TCF7L2: variants seen among roughly 807,000 people sequenced by gnomAD.
TCF7L2 encodes transcription factor 7 like 2, also known as transcription factor 7-like 2.
Under a neutral mutation model 77.9 loss-of-function variants are expected in TCF7L2, and 23 were observed. The observed-to-expected ratio is 0.30, with a 90% CI of 0.21 to 0.42. TCF7L2 has a LOEUF of 0.42. TCF7L2 is among the 10% of genes least tolerant of loss of function. The pLI, the probability that TCF7L2 is intolerant of heterozygous loss-of-function variation, is 1.00. For missense variants in TCF7L2, 654 were observed against 793.1 expected, an observed-to-expected ratio of 0.82 and a Z score of 2.11; for synonymous variants, 413 against 340.2, an observed-to-expected ratio of 1.21 and a Z score of -2.36.
chr10:113,118,978 C>T (rs938698318), intron 5 of TCF7L2, among the ~76,000 whole-genome samples: 8 of 152,128 alleles, frequency 5.3e-5, no homozygotes, highest in Admixed American at 3.3e-4. Flanking sequence ...TTCAAATAGT[C>T]GACGTTATCA....
chr10:113,076,312 A>AT (rs2058696147), intron 5 of TCF7L2, among the ~76,000 whole-genome samples: 1 of 151,868 alleles, frequency 6.6e-6, no homozygotes, highest in Non-Finnish European at 1.5e-5. Context: ...TAACTTTTTT[A>AT]TTTTTTGTAG....
At chr10:113,116,693 T>C (rs1011635735) in intron 5 of TCF7L2, among the ~76,000 whole-genome samples, 1 of 151,568 alleles carries the variant, frequency 6.6e-6, no homozygotes, top group Admixed American at 6.6e-5. Flanking sequence ...GCCTATTTTT[T>C]AAAAAGGGTT....
At chr10:113,120,038 T>G (rs2064517430) in intron 5 of TCF7L2, among the ~76,000 whole-genome samples, 1 of 152,226 alleles carries the variant, frequency 6.6e-6, no homozygotes, top group Non-Finnish European at 1.5e-5. Flanking sequence ...TATTTTCTCA[T>G]TGGTCTGTGT....
intron 5 of TCF7L2, among the ~76,000 whole-genome samples, chr10:113,118,844 TA>T (rs904779154): frequency 6.6e-6 from 1 of 152,108 alleles, no homozygotes; most frequent in African/African-American, 2.4e-5. Context: ...GACATAGGAT[TA>T]AAAAAACAAT....
At chr10:113,003,435 G>T (rs1391690949) in intron 4 of TCF7L2, among the ~76,000 whole-genome samples, 1 of 152,194 alleles carries the variant, frequency 6.6e-6, no homozygotes, top group Non-Finnish European at 1.5e-5. Context: ...CTTGGGGATG[G>T]TCTCTGAGGT....
intron 4 of TCF7L2, among the ~76,000 whole-genome samples, chr10:113,011,555 G>A: frequency 6.6e-6 from 1 of 152,162 alleles, no homozygotes; most frequent in East Asian, 1.9e-4. Context: ...TTACTACCTT[G>A]AGTATTGCTG....
chr10:113,018,621 C>T (rs1226349852), intron 4 of TCF7L2, among the ~76,000 whole-genome samples: 1 of 152,014 alleles, frequency 6.6e-6, no homozygotes, highest in East Asian at 1.9e-4. Context: ...TGCCCACTAC[C>T]ATGCCTGGGT....
At chr10:113,002,275 C>T (rs2044624832) in intron 4 of TCF7L2, among the ~76,000 whole-genome samples, 1 of 152,196 alleles carries the variant, frequency 6.6e-6, no homozygotes. Context: ...TAGATGGGAG[C>T]TGCTGTGTTG....
At position 112,950,746 on chromosome 10, in the gene TCF7L2, G is replaced by T; in HGVS notation, c.-11G>T. On this transcript the variant is annotated 5_prime_UTR_variant, in exon 1 of 14. Coordinates refer to ENST00000627217, the MANE Select transcript of TCF7L2 (RefSeq NM_001146274.2). ...TTTCTTCCAAAATTGCTGCTGGTGGGTGAAAAAAAAATGCCGCAGCTGAAC... is the reference window on the plus strand; with the variant it reads ...TTTCTTCCAAAATTGCTGCTGGTGGTTGAAAAAAAAATGCCGCAGCTGAAC... The T allele has an allele frequency of 6.4e-7, 1 of 1,550,586 alleles. No homozygotes were observed.
chr10:112,961,590 C>T (rs772837117), intron 3 of TCF7L2, among the ~76,000 whole-genome samples: 13 of 151,950 alleles, frequency 8.6e-5, no homozygotes, highest in Non-Finnish European at 7.4e-5. Flanking sequence ...TATGCATTTT[C>T]GAAAGAAAAG....
At chr10:113,105,999 GTAA>G (rs1289904838) in intron 5 of TCF7L2, among the ~76,000 whole-genome samples, 6 of 152,342 alleles carry the variant, frequency 3.9e-5, no homozygotes, top group African/African-American at 1.4e-4. Flanking sequence ...TAAGGAGATA[GTAA>G]GAAGATAGCA....
intron 4 of TCF7L2, among the ~76,000 whole-genome samples, chr10:112,998,421 A>G (rs2043889280): frequency 6.6e-6 from 1 of 152,222 alleles, no homozygotes. Flanking sequence ...AGAAAGCAGG[A>G]TTGAGCAGGG....
chr10:112,955,155 C>T (rs565451628), intron 3 of TCF7L2, among the ~76,000 whole-genome samples: 2 of 151,260 alleles, frequency 1.3e-5, no homozygotes, highest in African/African-American at 2.4e-5. Flanking sequence ...ACATTCCAAG[C>T]CCCTACATAA....
intron 6 of TCF7L2, 86 bp downstream of exon 6, chr10:113,141,402 G>A (rs2068353002): frequency 1.3e-6 from 2 of 1,584,406 alleles, no homozygotes; most frequent in South Asian, 2.3e-5. Context: ...AACCCCAGGG[G>A]TGGAGCAGTA....
intron 5 of TCF7L2, among the ~76,000 whole-genome samples, chr10:113,067,975 T>C (rs1183637250): frequency 6.6e-6 from 1 of 152,170 alleles, no homozygotes; most frequent in Non-Finnish European, 1.5e-5. Flanking sequence ...CTTTTGAATC[T>C]CCTGGTACCC....
chr10:113,121,067 T>TG (rs141294561), intron 5 of TCF7L2, among the ~76,000 whole-genome samples: 1 of 151,864 alleles, frequency 6.6e-6, no homozygotes, highest in African/African-American at 2.4e-5. Context: ...CTTCGCAAAA[T>TG]GGGGGGAAAA....
At chr10:113,109,967 G>A (rs1012678038) in intron 5 of TCF7L2, among the ~76,000 whole-genome samples, 1 of 152,184 alleles carries the variant, frequency 6.6e-6, no homozygotes, top group Non-Finnish European at 1.5e-5. Flanking sequence ...CTTGTTTGAA[G>A]ATTATAACAT....
chr10:113,109,595 T>C (rs1423145032), intron 5 of TCF7L2, among the ~76,000 whole-genome samples: 1 of 152,170 alleles, frequency 6.6e-6, no homozygotes, highest in East Asian at 1.9e-4. Context: ...TTCTCCACGT[T>C]GGCTAGGCTG....
intron 5 of TCF7L2, among the ~76,000 whole-genome samples, chr10:113,083,163 T>C (rs528094149): frequency 2.6e-4 from 39 of 151,910 alleles, no homozygotes; most frequent in African/African-American, 8.2e-4. Flanking sequence ...AGTGGCTGTG[T>C]GCTATGGAGG....
Sources: allele counts gnomAD v4.1 joint callset (sites outside exome capture counted in the v4.1 genomes callset), GRCh38; gene constraint gnomAD v4.1.1; transcripts MANE v1.5; gene names NCBI Gene and HGNC (gene_info 2026-07-23, HGNC 2026-07-21).